The following SPAG16 variants were observed in gnomAD, a reference collection of about 807,000 sequenced individuals.
SPAG16 encodes sperm-associated antigen 16 protein.
In SPAG16, 86 loss-of-function variants were observed where a neutral mutation model predicts 80.4. That is an observed-to-expected ratio of 1.07 (90% CI 0.90 to 1.28). SPAG16 has a LOEUF of 1.28. SPAG16 is among the 50% of genes most tolerant of loss of function. The probability of loss-of-function intolerance (pLI) is 0.00; values close to 1 mark genes in which losing one functional copy is unlikely to be tolerated. For missense variants in SPAG16, 870 were observed against 765.3 expected, an observed-to-expected ratio of 1.14 and a Z score of -1.61; for synonymous variants, 294 against 265.9, an observed-to-expected ratio of 1.11 and a Z score of -1.03.
intron 12 of SPAG16, among the ~76,000 whole-genome samples, chr2:213,934,716 A>C (rs2078914565): frequency 6.6e-6 from 1 of 152,204 alleles, no homozygotes; most frequent in Non-Finnish European, 1.5e-5. Context: ...ATATTAGTTA[A>C]AGTAGCAGGT....
At chr2:213,593,496 C>T (rs1411981960) in intron 10 of SPAG16, among the ~76,000 whole-genome samples, 2 of 151,940 alleles carry the variant, frequency 1.3e-5, no homozygotes, top group Non-Finnish European at 2.9e-5. Flanking sequence ...CTTTCATTTG[C>T]AAAATTTTAG....
chr2:213,317,807 G>A (rs2063462816), intron 5 of SPAG16: 1 of 857,708 alleles, frequency 1.2e-6, no homozygotes, highest in Non-Finnish European at 1.4e-6. Flanking sequence ...ATAATGATAT[G>A]TAGGTTCGTC....
chr2:213,465,299 C>T (rs938153782), intron 9 of SPAG16, among the ~76,000 whole-genome samples: 10 of 152,146 alleles, frequency 6.6e-5, no homozygotes, highest in African/African-American at 2.4e-4. Context: ...TTTAACTCAG[C>T]TAGTTGAGCA....
chr2:214,158,025 A>G (rs939553736), intron 15 of SPAG16, among the ~76,000 whole-genome samples: 1 of 151,728 alleles, frequency 6.6e-6, no homozygotes, highest in Admixed American at 6.6e-5. Context: ...TGAATCAGGA[A>G]CAAACGAGGG....
chr2:213,876,202 T>C (rs1207573201), intron 11 of SPAG16, among the ~76,000 whole-genome samples: 1 of 151,764 alleles, frequency 6.6e-6, no homozygotes, highest in Non-Finnish European at 1.5e-5. Flanking sequence ...AAACCTGCAT[T>C]TGAAATGTAG....
chr2:213,617,073 T>C (rs2061621117), intron 10 of SPAG16, among the ~76,000 whole-genome samples: 1 of 151,982 alleles, frequency 6.6e-6, no homozygotes, highest in South Asian at 2.1e-4. Flanking sequence ...TGAAACTGGA[T>C]TGAATAGGGA....
intron 13 of SPAG16, among the ~76,000 whole-genome samples, chr2:214,051,441 C>T (rs1227638644): frequency 6.6e-6 from 1 of 152,152 alleles, no homozygotes; most frequent in East Asian, 1.9e-4. Context: ...GAATAATTGC[C>T]TTTGGAGAGC....
In SPAG16 at chr2:213,867,881, G is replaced by A. The variant is rs182956874; in HGVS notation, c.1214+5253G>A. On this transcript the variant is annotated intron_variant, in intron 11 of 15. Coordinates refer to ENST00000331683, the MANE Select transcript of SPAG16 (RefSeq NM_024532.5). ...GGAGCGTGCAGTGAGCTGAGATCGC[G>A]CCACTGCACTCCAGCTTGGGTGACA... 4.2e-3 allele frequency among the ~76,000 whole-genome samples: 519 copies of A among 124,160 alleles called. 5 individuals are homozygous for A. Among genetic ancestry groups the A allele is most frequent in the Middle Eastern group, 0.019 (3 of 154 alleles). 81.5% of individuals were successfully genotyped at this position (124,160 alleles called of 152,430 possible).
At chr2:213,720,147 G>A (rs1466466276) in intron 10 of SPAG16, among the ~76,000 whole-genome samples, 1 of 152,048 alleles carries the variant, frequency 6.6e-6, no homozygotes, top group Non-Finnish European at 1.5e-5. Flanking sequence ...GAGAATTCAT[G>A]GGCACACGGA....
intron 15 of SPAG16, among the ~76,000 whole-genome samples, chr2:214,299,587 T>C (rs967513524): frequency 2.0e-5 from 3 of 152,104 alleles, no homozygotes; most frequent in Non-Finnish European, 2.9e-5. Context: ...TCTCTCACTT[T>C]TATTAAAGAA....
chr2:213,940,134 A>G (rs1422065166), intron 12 of SPAG16, among the ~76,000 whole-genome samples: 1 of 152,240 alleles, frequency 6.6e-6, no homozygotes, highest in African/African-American at 2.4e-5. Context: ...ATATAATTAT[A>G]TAACAGCCAT....
chr2:213,580,431 T>C (rs1435358513), intron 10 of SPAG16, among the ~76,000 whole-genome samples: 1 of 152,186 alleles, frequency 6.6e-6, no homozygotes, highest in Non-Finnish European at 1.5e-5. Context: ...ACCATGAATC[T>C]ACCTATGAGC....
intron 11 of SPAG16, among the ~76,000 whole-genome samples, chr2:213,866,984 G>C (rs2075714996): frequency 6.8e-6 from 1 of 147,318 alleles, no homozygotes; most frequent in East Asian, 2.0e-4. Flanking sequence ...AAAATTGCAA[G>C]TCTTCAAAAT....
At chr2:213,387,697 G>A (rs1427349593) in intron 9 of SPAG16, among the ~76,000 whole-genome samples, 6 of 150,814 alleles carry the variant, frequency 4.0e-5, no homozygotes, top group South Asian at 2.1e-4. Context: ...CTCGTGATCC[G>A]CCCGCCTCGG....
At chr2:214,115,305 A>G (rs2053877765) in intron 14 of SPAG16, among the ~76,000 whole-genome samples, 1 of 152,222 alleles carries the variant, frequency 6.6e-6, no homozygotes, top group Admixed American at 6.5e-5. Context: ...ACAAACTATT[A>G]AAGTTGTATT....
At chr2:213,713,976 A>G (rs931443744) in intron 10 of SPAG16, among the ~76,000 whole-genome samples, 1 of 152,230 alleles carries the variant, frequency 6.6e-6, no homozygotes, top group African/African-American at 2.4e-5. Context: ...ACAAACTATC[A>G]AAAGTTCTAT....
At chr2:214,394,357 G>A (rs1009044810) in intron 15 of SPAG16, among the ~76,000 whole-genome samples, 11 of 151,878 alleles carry the variant, frequency 7.2e-5, no homozygotes, top group African/African-American at 2.7e-4. Flanking sequence ...ACAAATCTGA[G>A]TTATTTCATT....
At chr2:213,755,784 A>T (rs1405508872) in intron 10 of SPAG16, among the ~76,000 whole-genome samples, 4 of 152,168 alleles carry the variant, frequency 2.6e-5, no homozygotes, top group African/African-American at 9.7e-5. Flanking sequence ...AGAAAGATAT[A>T]CCCAAGAGCA....
intron 15 of SPAG16, among the ~76,000 whole-genome samples, chr2:214,176,664 A>C (rs901678730): frequency 6.6e-6 from 1 of 151,300 alleles, no homozygotes; most frequent in Non-Finnish European, 1.5e-5. Context: ...TCGGTAAGAC[A>C]ATCTTCCCCT....
Sources: allele counts gnomAD v4.1 joint callset (sites outside exome capture counted in the v4.1 genomes callset), GRCh38; gene constraint gnomAD v4.1.1; transcripts MANE v1.5; gene names NCBI Gene and HGNC (gene_info 2026-07-23, HGNC 2026-07-21).